RAPGEF5: variants seen among roughly 807,000 people sequenced by gnomAD.
RAPGEF5 encodes the protein M-Ras-regulated GEF.
Under a neutral mutation model 125.2 loss-of-function variants are expected in RAPGEF5, and 65 were observed. The ratio of observed to expected loss-of-function variants is 0.52; its 90% CI spans 0.43 to 0.64. RAPGEF5 has a LOEUF of 0.64. Ranked by LOEUF, RAPGEF5 falls within the 30% of genes least tolerant of loss-of-function variation. The pLI, the probability that RAPGEF5 is intolerant of heterozygous loss-of-function variation, is 0.00. For missense variants in RAPGEF5, 958 were observed against 1,048.1 expected, an observed-to-expected ratio of 0.91 and a Z score of 1.19; for synonymous variants, 391 against 385.9, an observed-to-expected ratio of 1.01 and a Z score of -0.16.
chr7:22,291,375 T>C, intron 5 of RAPGEF5, 134 bp from the exon 6 acceptor site: 1 of 1,366,458 alleles, frequency 7.3e-7, no homozygotes, highest in Non-Finnish European at 9.6e-7. Flanking sequence ...ATAACAAAGG[T>C]TGTGACAGTA....
intron 7 of RAPGEF5, among the ~76,000 whole-genome samples, chr7:22,232,478 C>T (rs1296401584): frequency 1.3e-5 from 2 of 151,980 alleles, no homozygotes; most frequent in Admixed American, 1.3e-4. Context: ...CACTACCATG[C>T]CCAGATAATT....
chr7:22,197,338 C>T (rs965576298), intron 9 of RAPGEF5, among the ~76,000 whole-genome samples: 1 of 152,210 alleles, frequency 6.6e-6, no homozygotes, highest in Non-Finnish European at 1.5e-5. Flanking sequence ...GAGAACCTTT[C>T]AGATGGCAAA....
At chr7:22,155,999 G>A (rs1039840450) in intron 16 of RAPGEF5, among the ~76,000 whole-genome samples, 2 of 152,124 alleles carry the variant, frequency 1.3e-5, no homozygotes, top group Admixed American at 6.5e-5. Context: ...CACTTGGTAC[G>A]GATGACACTT....
At chr7:22,259,900 A>G (rs575981624) in intron 7 of RAPGEF5, among the ~76,000 whole-genome samples, 2 of 152,312 alleles carry the variant, frequency 1.3e-5, no homozygotes, top group African/African-American at 4.8e-5. Flanking sequence ...GCCCAGCCCA[A>G]CATGGTGAAA....
At position 22,145,240 on chromosome 7, in the gene RAPGEF5, C is replaced by A; in HGVS notation, c.2008-18G>T. 1.9e-6 allele frequency: 3 copies of A among 1,595,690 alleles called. No homozygotes were observed. Among genetic ancestry groups the A allele is most frequent in the Non-Finnish European group, 2.6e-6 (3 of 1,169,248 alleles). On this transcript the variant is annotated intron_variant, in intron 19 of 25. Transcript: ENST00000665637. ...AGCTCTTGCTGAAAGAAAATGTATTCATGCCAGGGTTTATTTATAGCAAAG... is the reference window on the plus strand; with the variant it reads ...AGCTCTTGCTGAAAGAAAATGTATTAATGCCAGGGTTTATTTATAGCAAAG...
chr7:22,221,122 C>G (rs1463185353), intron 8 of RAPGEF5, among the ~76,000 whole-genome samples: 1 of 152,118 alleles, frequency 6.6e-6, no homozygotes, highest in Non-Finnish European at 1.5e-5. Context: ...CTGACGTGGC[C>G]CACATCACAG....
At chr7:22,151,735 A>T (rs1262055165) in intron 17 of RAPGEF5, among the ~76,000 whole-genome samples, 1 of 152,182 alleles carries the variant, frequency 6.6e-6, no homozygotes, top group African/African-American at 2.4e-5. Flanking sequence ...GAGTGCTGGA[A>T]TTACAGGTGG....
chr7:22,310,994 C>T (rs918776617), intron 3 of RAPGEF5, among the ~76,000 whole-genome samples: 23 of 152,084 alleles, frequency 1.5e-4, no homozygotes, highest in African/African-American at 5.6e-4. Context: ...GAAATTTCAT[C>T]AAATTTCACT....
At chr7:22,223,815 GT>G in intron 8 of RAPGEF5, among the ~76,000 whole-genome samples, 1 of 152,232 alleles carries the variant, frequency 6.6e-6, no homozygotes, top group South Asian at 2.1e-4. Flanking sequence ...TAAGAAGAGA[GT>G]TATGATCTGA....
intron 1 of RAPGEF5, among the ~76,000 whole-genome samples, chr7:22,326,376 T>G (rs1405492149): frequency 6.6e-6 from 1 of 152,198 alleles, no homozygotes; most frequent in East Asian, 1.9e-4. Flanking sequence ...TAAAGTTTTA[T>G]TGGAACACTG....
At chr7:22,175,696 T>C (rs1013460241) in intron 11 of RAPGEF5, among the ~76,000 whole-genome samples, 3 of 152,306 alleles carry the variant, frequency 2.0e-5, no homozygotes, top group Non-Finnish European at 4.4e-5. Flanking sequence ...CCTTAGTGTT[T>C]GTCCATTAAA....
At chr7:22,166,242 T>C (rs985113165) in intron 12 of RAPGEF5, among the ~76,000 whole-genome samples, 2 of 151,836 alleles carry the variant, frequency 1.3e-5, no homozygotes, top group African/African-American at 4.8e-5. Context: ...TAGGTCTTAA[T>C]AGAACTTTAG....
intron 6 of RAPGEF5, among the ~76,000 whole-genome samples, chr7:22,286,737 T>C (rs1175876330): frequency 6.6e-6 from 1 of 152,204 alleles, no homozygotes; most frequent in East Asian, 1.9e-4. Context: ...CTTCCCCGTA[T>C]TTACTTTAGG....
chr7:22,136,994 AAC>A lies in RAPGEF5; in HGVS notation c.2278-13_2278-12del. The stretch of plus-strand genomic sequence containing the variant: ...CTTCCCAGGGATTTTCTAAAAAACA[AAC>A]ACAAACAAAAAACAGAAGGTCACAG... On this transcript the variant is annotated splice_polypyrimidine_tract_variant and intron_variant, in intron 21 of 25. Coordinates refer to ENST00000665637, the MANE Select transcript of RAPGEF5 (RefSeq NM_012294.5). 8.3e-6 allele frequency: 13 copies of A among 1,561,240 alleles called. No homozygotes were observed. Among genetic ancestry groups the A allele is most frequent in the Non-Finnish European group, 9.6e-6 (11 of 1,145,980 alleles).
chr7:22,300,984 C>G (rs914332696), intron 5 of RAPGEF5, among the ~76,000 whole-genome samples: 1 of 152,212 alleles, frequency 6.6e-6, no homozygotes, highest in African/African-American at 2.4e-5. Flanking sequence ...ACATCTGAGG[C>G]CTGCCTTTGA....
At chr7:22,297,334 C>T (rs1262495629) in intron 5 of RAPGEF5, among the ~76,000 whole-genome samples, 1 of 152,080 alleles carries the variant, frequency 6.6e-6, no homozygotes, top group Non-Finnish European at 1.5e-5. Flanking sequence ...AAGATAGAGT[C>T]CACCAATATA....
At chr7:22,123,037 ATT>A (rs1782630308) in intron 25 of RAPGEF5, among the ~76,000 whole-genome samples, 1 of 152,104 alleles carries the variant, frequency 6.6e-6, no homozygotes, top group African/African-American at 2.4e-5. Flanking sequence ...TGGTATTCTC[ATT>A]TTTTGGAAAA....
At chr7:22,219,760 A>T in intron 9 of RAPGEF5, 106 bp downstream of exon 9, 2 of 1,426,036 alleles carry the variant, frequency 1.4e-6, no homozygotes, top group Non-Finnish European at 1.9e-6. Context: ...AAAACCCCCA[A>T]AACCTAAAGA....
intron 6 of RAPGEF5, among the ~76,000 whole-genome samples, chr7:22,287,637 T>C (rs1782828552): frequency 1.3e-5 from 2 of 152,246 alleles, no homozygotes; most frequent in Admixed American, 1.3e-4. Flanking sequence ...ACTTCTGCTT[T>C]CCTTTATCAT....
Sources: allele counts gnomAD v4.1 joint callset (sites outside exome capture counted in the v4.1 genomes callset), GRCh38; gene constraint gnomAD v4.1.1; transcripts MANE v1.5; gene names NCBI Gene and HGNC (gene_info 2026-07-23, HGNC 2026-07-21).